DMD: variants seen among roughly 807,000 people sequenced by gnomAD.
The protein encoded by DMD is mutant dystrophin.
A neutral mutation model predicts 330.1 loss-of-function variants in DMD; 63 were observed. That is an observed-to-expected ratio of 0.19 (90% CI 0.16 to 0.24). The LOEUF (loss-of-function observed/expected upper bound fraction) is 0.24, where lower values mean the gene tolerates loss of function less well. Ranked by LOEUF, DMD falls within the 10% of genes least tolerant of loss-of-function variation. The pLI is 1.00. For synonymous variants in DMD, 1,223 were observed against 959.8 expected (o/e 1.27, Z -5.07); for missense variants, 3,344 against 2,684.1 (o/e 1.25, Z -5.43).
Position 32,345,934 on chromosome X carries a change from C to T in DMD, c.5586+9G>A, listed in dbSNP as rs200025478. 5.5e-4 allele frequency: 657 copies of T among 1,204,487 alleles called. No individual in the cohort carries two copies. The highest frequency in any genetic ancestry group is 6.8e-4 in the Non-Finnish European group (608 of 892,301). On this transcript the variant is annotated intron_variant, in intron 39 of 78. Transcript: ENST00000357033. ...CAGGCAAGGTATATTATAATTTTAG[C>T]TCTAATACCTTGAGAGCATTATGTT...
intron 55 of DMD, among the ~76,000 whole-genome samples, chrX:31,550,455 A>C (rs889993573): frequency 8.9e-6 from 1 of 111,854 alleles, no homozygotes; most frequent in African/African-American, 3.3e-5. Flanking sequence ...TTTCTTCATG[A>C]CTTCCTTGGA....
At chrX:32,483,820 C>CAAAAAAAAAAAAAAA (rs770119472) in intron 21 of DMD, among the ~76,000 whole-genome samples, 1 of 37,267 alleles carries the variant, frequency 2.7e-5, no homozygotes, top group African/African-American at 1.2e-4. Context: ...CTCTGAAGTA[C>CAAAAAAAAAAAAAAA]AAAAAAAAAA....
chrX:32,584,665 A>G (rs1431640576), intron 13 of DMD, among the ~76,000 whole-genome samples: 1 of 112,237 alleles, frequency 8.9e-6, no homozygotes, highest in Non-Finnish European at 1.9e-5. Context: ...GCCAGTTAAA[A>G]AACTGCATAT....
chrX:31,407,979 C>T (rs1380355845), intron 60 of DMD, among the ~76,000 whole-genome samples: 1 of 111,788 alleles, frequency 8.9e-6, no homozygotes, highest in African/African-American at 3.3e-5. Context: ...TAAAACTGGA[C>T]ATAATGAGAC....
intron 41 of DMD, among the ~76,000 whole-genome samples, chrX:32,324,493 T>C (rs1327487210): frequency 9.0e-6 from 1 of 110,668 alleles, no homozygotes; most frequent in Non-Finnish European, 1.9e-5. Flanking sequence ...AAAGTGAAAG[T>C]CAAAATAATA....
intron 44 of DMD, among the ~76,000 whole-genome samples, chrX:32,003,686 G>C (rs1452287666): frequency 9.0e-6 from 1 of 111,154 alleles, no homozygotes; most frequent in East Asian, 2.8e-4. Flanking sequence ...TTATGTTCCT[G>C]CACTTAAATC....
At chrX:32,028,538 A>G (rs2095862556) in intron 44 of DMD, among the ~76,000 whole-genome samples, 1 of 111,931 alleles carries the variant, frequency 8.9e-6, no homozygotes, top group East Asian at 2.8e-4. Flanking sequence ...TGTTCATTCA[A>G]CAAGGAGATT....
chrX:31,525,699 T>C (rs2073191176), intron 55 of DMD, among the ~76,000 whole-genome samples: 2 of 112,013 alleles, frequency 1.8e-5, no homozygotes, highest in Non-Finnish European at 3.8e-5. Context: ...ATAAAAGCAA[T>C]TTAGAAATCT....
intron 11 of DMD, 108 bp downstream of exon 11, chrX:32,644,024 C>T: frequency 3.0e-6 from 2 of 675,081 alleles, no homozygotes; most frequent in Non-Finnish European, 4.5e-6. Flanking sequence ...AAGCTGTGTG[C>T]CTTGGGAACA....
chrX:32,451,869 C>G (rs2098331325), intron 26 of DMD, among the ~76,000 whole-genome samples: 1 of 110,571 alleles, frequency 9.0e-6, no homozygotes, highest in African/African-American at 3.3e-5. Flanking sequence ...GTGGTTGTTG[C>G]CAGAGGCTTC....
chrX:32,011,624 A>T (rs936571425), intron 44 of DMD, among the ~76,000 whole-genome samples: 1 of 111,319 alleles, frequency 9.0e-6, no homozygotes, highest in Non-Finnish European at 1.9e-5. Context: ...TGCTTGACGC[A>T]TCCTCCTCCT....
intron 74 of DMD, among the ~76,000 whole-genome samples, chrX:31,164,266 TC>T (rs2039179372): frequency 9.0e-6 from 1 of 111,282 alleles, no homozygotes; most frequent in South Asian, 3.8e-4. Context: ...CAGGCTTATA[TC>T]CTTTCTACAA....
chrX:32,651,557 A>G (rs73621818), intron 9 of DMD, among the ~76,000 whole-genome samples: 1 of 112,145 alleles, frequency 8.9e-6, no homozygotes, highest in African/African-American at 3.2e-5. Context: ...GTTGCTGAGT[A>G]GGAAATCAAA....
In DMD at chrX:33,080,974, T is replaced by TCACACA. The variant is rs763162216; in HGVS notation, c.32-60780_32-60775dup. Among the ~76,000 whole-genome samples, 380 of 92,705 alleles carry TCACACA rather than the reference T, an allele frequency of 4.1e-3. 2 individuals carry two copies. Among genetic ancestry groups the TCACACA allele is most frequent in the African/African-American group, 0.013 (330 of 25,019 alleles). 80.5% of individuals were successfully genotyped at this position (92,705 alleles called of 115,157 possible). A position where few individuals can be genotyped will look rare whatever the true frequency, so the allele number is the denominator to read the frequency against. ...ATTAATCAGAGCTCTTTTATAAACA[T>TCACACA]CACACACACACACACACACACACAC... On this transcript the variant is annotated intron_variant, in intron 1 of 78. Coordinates refer to ENST00000357033, the MANE Select transcript of DMD (RefSeq NM_004006.3).
upstream of DMD, among the ~76,000 whole-genome samples, chrX:33,215,012 G>A (rs1268048906): frequency 8.9e-6 from 1 of 111,964 alleles, no homozygotes; most frequent in East Asian, 2.8e-4. Context: ...TTATATGCTT[G>A]TTGGCCGCTT....
At chrX:33,103,952 A>G (rs868538109) in intron 1 of DMD, among the ~76,000 whole-genome samples, 4 of 111,853 alleles carry the variant, frequency 3.6e-5, no homozygotes, top group Non-Finnish European at 5.6e-5. Context: ...CTAAGAACAG[A>G]ACGATAACTC....
chrX:31,817,482 T>G (rs73461891), intron 50 of DMD, among the ~76,000 whole-genome samples: 2 of 110,590 alleles, frequency 1.8e-5, no homozygotes, highest in Non-Finnish European at 3.8e-5. Flanking sequence ...TTTTTTTTCA[T>G]TCAACATTTG....
In DMD at chrX:32,529,216, C is replaced by T. The variant is rs142024722; in HGVS notation, c.2169-11085G>A. On this transcript the variant is annotated intron_variant, in intron 17 of 78. Coordinates refer to ENST00000357033, the MANE Select transcript of DMD (RefSeq NM_004006.3). ...CTGGGATTACAGGTGTGAGCCACCG[C>T]GCCAGGTCAAACCAATGTATTTCTT... Among the ~76,000 whole-genome samples, 550 of 107,154 alleles carry T rather than the reference C, an allele frequency of 5.1e-3. 2 individuals carry two copies. The highest frequency in any genetic ancestry group is 0.042 in the Middle Eastern group (9 of 213). The allele number at this position is 107,154 out of a possible 115,157, so 93.1% of individuals were successfully genotyped here.
chrX:32,170,413 A>T (rs1256775733), intron 44 of DMD, among the ~76,000 whole-genome samples: 3 of 109,278 alleles, frequency 2.7e-5, no homozygotes, highest in Non-Finnish European at 5.7e-5. Context: ...CAGAGGTTGA[A>T]GTGAGTCGAG....
Sources: gnomAD v4.1 joint callset for allele counts (sites outside exome capture counted in the v4.1 genomes callset) on GRCh38, gnomAD v4.1.1 for gene constraint, MANE v1.5 for transcripts, NCBI Gene and HGNC (gene_info 2026-07-23, HGNC 2026-07-21) for gene names.